PCDHGB6: variants seen among roughly 807,000 people sequenced by gnomAD.
The protein encoded by PCDHGB6 is protocadherin gamma subfamily B, 6, also known as protocadherin gamma-B6.
A neutral mutation model predicts 59.1 loss-of-function variants in PCDHGB6; 51 were observed. The ratio of observed to expected loss-of-function variants is 0.86; its 90% CI spans 0.69 to 1.09. PCDHGB6 has a LOEUF of 1.09. PCDHGB6 is among the 50% of genes least tolerant of loss of function. PCDHGB6 has a pLI of 0.00. For missense variants in PCDHGB6, 1,148 were observed against 1,205.1 expected (o/e 0.95, Z 0.70); for synonymous variants, 466 against 495.1 (o/e 0.94, Z 0.78).
Position 141,486,178 on chromosome 5 carries a change from C to A in PCDHGB6, c.2419-8629C>A, listed in dbSNP as rs767840363. On this transcript the variant is annotated intron_variant, in intron 1 of 3. Transcript: ENST00000520790. This position sits in a 1 kb window ranked among gnomAD's most constrained non-coding sequence, Gnocchi z 5.0. ...CTCCAGCCATGGAGCAACATTGCAG[C>A]CTTCGAGTGGATCTGCTGGACGTAA... 1.2e-6 allele frequency: 2 copies of A among 1,614,194 alleles called. No homozygotes were observed. The highest frequency in any genetic ancestry group is 2.2e-5 in the East Asian group (1 of 44,882).
chr5:141,455,255 C>T (rs1049752169), intron 1 of PCDHGB6, among the ~76,000 whole-genome samples: 16 of 152,146 alleles, frequency 1.1e-4, no homozygotes, highest in African/African-American at 3.9e-4. Flanking sequence ...AGTACAATCG[C>T]ATTTCTTCCC....
intron 1 of PCDHGB6, chr5:141,412,884 G>A: frequency 3.2e-6 from 1 of 311,540 alleles, no homozygotes. Flanking sequence ...TAATCCAACA[G>A]AATAGTTTAC....
In PCDHGB6 at chr5:141,431,940, T is replaced by G; in HGVS notation, c.2418+21320T>G. ...ATCCAAGGAAATCTGCCCTTTAAAT[T>G]AGAAAAATCTTACGGAAATTACTAT... On this transcript the variant is annotated intron_variant, in intron 1 of 3. Coordinates refer to ENST00000520790, the MANE Select transcript of PCDHGB6 (RefSeq NM_018926.3). The surrounding 1 kb of genome is among the most constrained non-coding windows in gnomAD (Gnocchi z 4.8). 2 of 1,614,132 alleles carry G rather than the reference T, an allele frequency of 1.2e-6. No homozygotes were observed. Among genetic ancestry groups the G allele is most frequent in the Non-Finnish European group, 1.7e-6 (2 of 1,179,998 alleles).
intron 1 of PCDHGB6, chr5:141,417,091 A>G (rs1345871347): frequency 6.6e-6 from 1 of 152,194 alleles, no homozygotes; most frequent in Non-Finnish European, 1.5e-5. Flanking sequence ...TTTTGATTAT[A>G]ATTATTTAAA....
rs1384951887 is a variant in PCDHGB6, at chr5:141,465,860, T to C, written c.2419-28947T>C. ...AACTGAGGCTGGGCCCAGTGGCTCA[T>C]GCCTGTAATCCCAGCACTTTGGGAG... On this transcript the variant is annotated intron_variant, in intron 1 of 3. Coordinates refer to ENST00000520790, the MANE Select transcript of PCDHGB6 (RefSeq NM_018926.3). Among the ~76,000 whole-genome samples the C allele has an allele frequency of 2.0e-5, 3 of 152,114 alleles. No individual in the cohort carries two copies. The South Asian group carries it at 6.2e-4, about 32-fold the overall frequency.
intron 3 of PCDHGB6, among the ~76,000 whole-genome samples, chr5:141,509,633 GA>G (rs2099877629): frequency 6.6e-6 from 1 of 152,204 alleles, no homozygotes; most frequent in Non-Finnish European, 1.5e-5. Flanking sequence ...GGGTGATGCT[GA>G]GCCAGGGCCA....
chr5:141,503,130 C>A (rs1406819266), intron 2 of PCDHGB6, among the ~76,000 whole-genome samples: 1 of 151,980 alleles, frequency 6.6e-6, no homozygotes, highest in Non-Finnish European at 1.5e-5. Context: ...CCTCTGGTAG[C>A]CCCTGACACA....
chr5:141,458,385 C>T (rs1371423838), intron 1 of PCDHGB6, among the ~76,000 whole-genome samples: 15 of 152,104 alleles, frequency 9.9e-5, no homozygotes, highest in East Asian at 1.9e-4. Context: ...AGAAGGAAGA[C>T]GCTCCCCCTT....
intron 1 of PCDHGB6, chr5:141,421,504 C>A (rs757410882): frequency 1.2e-6 from 2 of 1,614,062 alleles, no homozygotes; most frequent in Admixed American, 1.7e-5. Context: ...CAGGATAGAC[C>A]GGGAGGAGCT....
In PCDHGB6 at chr5:141,458,391, C is replaced by G. The variant is rs534396279; in HGVS notation, c.2419-36416C>G. 5.9e-5 allele frequency among the ~76,000 whole-genome samples: 9 copies of G among 152,126 alleles called. No homozygotes were observed. In the South Asian group the frequency reaches 1.0e-3, roughly 18 times the overall value. ...GGAGAAGAGAGAAGGAAGACGCTCCCCCTTGCAGAGACGGAGCGGGGGTTC... is the reference window on the plus strand; with the variant it reads ...GGAGAAGAGAGAAGGAAGACGCTCCGCCTTGCAGAGACGGAGCGGGGGTTC... On this transcript the variant is annotated intron_variant, in intron 1 of 3. Coordinates refer to ENST00000520790, the MANE Select transcript of PCDHGB6 (RefSeq NM_018926.3).
intron 1 of PCDHGB6, chr5:141,468,354 GA>G (rs910554966): frequency 7.0e-6 from 1 of 143,440 alleles, no homozygotes. Context: ...AAAAAAGAAA[GA>G]AAAAAGAAAT....
In PCDHGB6 at chr5:141,432,373, G is replaced by T; in HGVS notation, c.2418+21753G>T. ...TGAAAGTGATGGCGCGGGACAACGG[G>T]CACCCGCCCCTCAGCAGCAACGTGT... is the stretch of plus-strand genomic sequence containing the variant. On this transcript the variant is annotated intron_variant, in intron 1 of 3. Coordinates refer to ENST00000520790, the MANE Select transcript of PCDHGB6 (RefSeq NM_018926.3). This position sits in a 1 kb window ranked among gnomAD's most constrained non-coding sequence, Gnocchi z 6.0. The T allele has an allele frequency of 6.2e-7, 1 of 1,614,206 alleles. No homozygotes were observed. The highest frequency in any genetic ancestry group is 1.1e-5 in the South Asian group (1 of 91,082).
At chr5:141,423,139 G>T (rs2096713828) in intron 1 of PCDHGB6, 4 of 1,613,498 alleles carry the variant, frequency 2.5e-6, no homozygotes, top group Non-Finnish European at 3.4e-6. Flanking sequence ...GGACAGAGAC[G>T]CGCTCAAGCA....
Position 141,408,786 on chromosome 5 carries a change from C to A in PCDHGB6, c.584C>A (p.Ser195Tyr). 6.2e-7 allele frequency: 1 copy of A among 1,612,430 alleles called. No homozygotes were observed. The highest frequency in any genetic ancestry group is 8.5e-7 in the Non-Finnish European group (1 of 1,179,196). ...GATGGTGGCAAATACCCAGAGTTAT[C>A]TCTGGAGAAACTCCTAGACCGGGAA... ...NSDGGKYPEL[S>Y]LEKLLDREEQ... Residue 195 changes from serine to tyrosine, a missense_variant, in exon 1 of 4, where the codon TCT becomes TAT. Ser to Tyr is a moderately radical substitution (Grantham distance 144). This residue lies in a region of PCDHGB6 where 307 missense variants were observed against 323.8 expected (regional missense o/e 0.95). Transcript: ENST00000520790.
At chr5:141,447,130 T>A (rs2098527397) in intron 1 of PCDHGB6, among the ~76,000 whole-genome samples, 1 of 152,146 alleles carries the variant, frequency 6.6e-6, no homozygotes, top group Admixed American at 6.6e-5. Context: ...TTTTTTTGTT[T>A]GTTTGTTTTT....
chr5:141,468,763 G>A (rs1341363934), intron 1 of PCDHGB6, among the ~76,000 whole-genome samples: 1 of 152,078 alleles, frequency 6.6e-6, no homozygotes, highest in Non-Finnish European at 1.5e-5. Flanking sequence ...CTACTCGGGA[G>A]GCTGAGGCAG....
At position 141,487,670 on chromosome 5, in the gene PCDHGB6, T is replaced by C. The variant is rs2099658277; in HGVS notation, c.2419-7137T>C. 2 of 1,612,302 alleles carry C rather than the reference T, an allele frequency of 1.2e-6. No homozygotes were observed. Among genetic ancestry groups the C allele is most frequent in the Non-Finnish European group, 1.7e-6 (2 of 1,179,082 alleles). On this transcript the variant is annotated intron_variant, in intron 1 of 3. Transcript: ENST00000520790. The surrounding 1 kb of genome is among the most constrained non-coding windows in gnomAD (Gnocchi z 5.0). The stretch of plus-strand genomic sequence containing the variant: ...TGAGGGTTATTCTGATCCAGGCATA[T>C]GGCTAGGCCATGTCCTAGAGAGTAC...
chr5:141,491,662 A>C lies in PCDHGB6; in HGVS notation c.2419-3145A>C. 2 of 1,613,770 alleles carry C rather than the reference A, an allele frequency of 1.2e-6. No homozygotes were observed. The highest frequency in any genetic ancestry group is 1.7e-6 in the Non-Finnish European group (2 of 1,180,018). ...AGCTCTGGCGCTGGAGCCTGACGCC[A>C]TCCGGTCCCGCTCTAATACGCTGCG... On this transcript the variant is annotated intron_variant, in intron 1 of 3. Coordinates refer to ENST00000520790, the MANE Select transcript of PCDHGB6 (RefSeq NM_018926.3). This position sits in a 1 kb window ranked among gnomAD's most constrained non-coding sequence, Gnocchi z 6.9.
At position 141,432,172 on chromosome 5, in the gene PCDHGB6, C is replaced by A. The variant is rs562175068; in HGVS notation, c.2418+21552C>A. ...AGAACAATCCCAGAGGAGTTTCCCT[C>A]GTCTCTGTGACCGCCCACGACCCCG... On this transcript the variant is annotated intron_variant, in intron 1 of 3. Coordinates refer to ENST00000520790, the MANE Select transcript of PCDHGB6 (RefSeq NM_018926.3). This position sits in a 1 kb window ranked among gnomAD's most constrained non-coding sequence, Gnocchi z 6.0. 5 of 1,614,152 alleles carry A rather than the reference C, an allele frequency of 3.1e-6. No homozygotes were observed. The South Asian group carries it at 4.4e-5, about 14-fold the overall frequency.
Sources: allele counts gnomAD v4.1 joint callset (sites outside exome capture counted in the v4.1 genomes callset), GRCh38; gene constraint gnomAD v4.1.1; regional missense constraint gnomAD v4.1.1; non-coding constraint Gnocchi (gnomAD v3.1); transcripts MANE v1.5; gene names NCBI Gene and HGNC (gene_info 2026-07-23, HGNC 2026-07-21).